Variants in EIF4G3 observed in about 807,000 individuals in gnomAD.
EIF4G3 encodes eukaryotic translation initiation factor 4 gamma 3, also known as eIF-4-gamma 3.
In EIF4G3, 34 loss-of-function variants were observed where a neutral mutation model predicts 186.4. The ratio of observed to expected loss-of-function variants is 0.18; its 90% CI spans 0.14 to 0.24. The LOEUF is 0.24. Ranked by LOEUF, EIF4G3 falls within the 10% of genes least tolerant of loss-of-function variation. The pLI, the probability that EIF4G3 is intolerant of heterozygous loss-of-function variation, is 1.00. For synonymous variants in EIF4G3, 673 were observed against 679.5 expected, an observed-to-expected ratio of 0.99 and a Z score of 0.15; for missense variants, 1,536 against 1,948.5, an observed-to-expected ratio of 0.79 and a Z score of 3.99.
chr1:20,981,251 T>TA (rs2077895071), intron 8 of EIF4G3, 24 bp from the exon 9 acceptor site: 1 of 381,440 alleles, frequency 2.6e-6, no homozygotes, highest in Non-Finnish European at 3.6e-6. Context: ...AAAAAAAAAA[T>TA]TTTTTTTTTT....
intron 2 of EIF4G3, among the ~76,000 whole-genome samples, chr1:21,111,051 T>C (rs1357326627): frequency 6.6e-6 from 1 of 152,230 alleles, no homozygotes; most frequent in Non-Finnish European, 1.5e-5. Flanking sequence ...TAATCTTAGA[T>C]AATTTATCTT....
chr1:21,108,064 C>T (rs1221522626), intron 2 of EIF4G3, among the ~76,000 whole-genome samples: 1 of 152,236 alleles, frequency 6.6e-6, no homozygotes, highest in Non-Finnish European at 1.5e-5. Flanking sequence ...GGAAGGATCG[C>T]TTAAGCCTGG....
chr1:20,817,590 T>C, intron 33 of EIF4G3, 52 bp from the exon 34 acceptor site: 1 of 1,240,188 alleles, frequency 8.1e-7, no homozygotes, highest in Non-Finnish European at 1.1e-6. Context: ...TTCTATGTTA[T>C]TGTCATCCTG....
At chr1:20,984,406 C>T (rs909479594) in intron 7 of EIF4G3, among the ~76,000 whole-genome samples, 3 of 151,904 alleles carry the variant, frequency 2.0e-5, no homozygotes, top group Non-Finnish European at 2.9e-5. Context: ...CCTTGGGATC[C>T]GCCCACCTTG....
chr1:21,029,020 T>C (rs2092464291), intron 4 of EIF4G3, among the ~76,000 whole-genome samples: 1 of 152,164 alleles, frequency 6.6e-6, no homozygotes, highest in Non-Finnish European at 1.5e-5. Flanking sequence ...AGTGCTGGAA[T>C]TACTGGCTTG....
intron 30 of EIF4G3, among the ~76,000 whole-genome samples, chr1:20,838,142 A>G (rs2067306216): frequency 6.6e-6 from 1 of 151,946 alleles, no homozygotes; most frequent in African/African-American, 2.4e-5. Flanking sequence ...ACGTCTGGTT[A>G]TGATATTTTT....
intron 7 of EIF4G3, among the ~76,000 whole-genome samples, chr1:20,984,389 T>TC: frequency 6.6e-6 from 1 of 151,790 alleles, no homozygotes; most frequent in Admixed American, 6.6e-5. Context: ...TGGTCTCGAA[T>TC]ACCTGACCTT....
chr1:21,110,731 C>CT (rs34412948), intron 2 of EIF4G3, among the ~76,000 whole-genome samples: 59,673 of 151,486 alleles, frequency 0.39, 12,465 homozygotes, highest in Middle Eastern at 0.52. Context: ...CACGCCCAGC[C>CT]TTTTTTTGTA....
chr1:20,962,791 C>T (rs767580806), intron 12 of EIF4G3, among the ~76,000 whole-genome samples: 17 of 152,142 alleles, frequency 1.1e-4, no homozygotes, highest in Non-Finnish European at 2.2e-4. Context: ...AGCGGATACT[C>T]TCAACCCTTG....
chr1:21,107,200 G>A (rs752538726), intron 2 of EIF4G3, among the ~76,000 whole-genome samples: 5 of 152,070 alleles, frequency 3.3e-5, no homozygotes, highest in Non-Finnish European at 7.4e-5. Flanking sequence ...TTATTGAGAT[G>A]GAGTCTTACT....
chr1:21,173,662 T>C (rs571649962), intron 2 of EIF4G3, among the ~76,000 whole-genome samples: 25 of 152,256 alleles, frequency 1.6e-4, no homozygotes, highest in African/African-American at 6.0e-4. Flanking sequence ...CACTCCAGCC[T>C]GGGCGACAAA....
intron 3 of EIF4G3, among the ~76,000 whole-genome samples, chr1:21,084,096 A>C (rs1034213521): frequency 2.0e-5 from 3 of 152,172 alleles, no homozygotes; most frequent in Non-Finnish European, 4.4e-5. Flanking sequence ...AAGTAAATTC[A>C]CACCTACTCC....
At chr1:21,015,443 C>A (rs914567742) in intron 4 of EIF4G3, among the ~76,000 whole-genome samples, 6 of 151,802 alleles carry the variant, frequency 4.0e-5, no homozygotes, top group East Asian at 1.9e-4. Flanking sequence ...GGAAAAAAAA[C>A]CAAAGAGACC....
intron 13 of EIF4G3, among the ~76,000 whole-genome samples, chr1:20,943,332 A>C (rs1435382696): frequency 6.6e-6 from 1 of 152,214 alleles, no homozygotes; most frequent in Non-Finnish European, 1.5e-5. Flanking sequence ...ATATACAAAA[A>C]TGCATCTGTG....
intron 2 of EIF4G3, among the ~76,000 whole-genome samples, chr1:21,121,545 C>T (rs973377963): frequency 7.2e-5 from 11 of 152,028 alleles, no homozygotes; most frequent in Non-Finnish European, 1.3e-4. Flanking sequence ...GAGGCCAAGG[C>T]GGGCAGATCA....
At chr1:20,821,447 T>A (rs1479525299) in intron 33 of EIF4G3, among the ~76,000 whole-genome samples, 1 of 152,244 alleles carries the variant, frequency 6.6e-6, no homozygotes, top group African/African-American at 2.4e-5. Context: ...ATAATGCATG[T>A]ATTTAACGAG....
intron 14 of EIF4G3, among the ~76,000 whole-genome samples, chr1:20,924,268 GAT>G (rs1368201919): frequency 1.3e-5 from 2 of 152,118 alleles, no homozygotes. Flanking sequence ...TTTATCTGCT[GAT>G]ATGTTTGTTG....
chr1:21,054,103 CT>C (rs1237366338), intron 3 of EIF4G3, among the ~76,000 whole-genome samples: 1 of 151,964 alleles, frequency 6.6e-6, no homozygotes, highest in African/African-American at 2.4e-5. Flanking sequence ...ACATGGGAGA[CT>C]TTTTATTTTG....
chr1:21,091,641 ATTTG>A (rs967369115), intron 2 of EIF4G3, among the ~76,000 whole-genome samples: 1 of 152,034 alleles, frequency 6.6e-6, no homozygotes, highest in African/African-American at 2.4e-5. Context: ...ATGTTCTTCC[ATTTG>A]TTTGTGTCCT....
Sources: allele counts gnomAD v4.1 joint callset (sites outside exome capture counted in the v4.1 genomes callset), GRCh38; gene constraint gnomAD v4.1.1; transcripts MANE v1.5; gene names NCBI Gene and HGNC (gene_info 2026-07-23, HGNC 2026-07-21).